KIF2A: variants seen among roughly 807,000 people sequenced by gnomAD.
KIF2A encodes kinesin family member 2A, also known as kinesin-like protein KIF2A.
In KIF2A, 22 loss-of-function variants were observed where a neutral mutation model predicts 100.2. The ratio of observed to expected loss-of-function variants is 0.22; its 90% CI spans 0.16 to 0.31. The LOEUF (loss-of-function observed/expected upper bound fraction) is 0.31, where lower values mean the gene tolerates loss of function less well. KIF2A is among the 10% of genes least tolerant of loss of function. The pLI is 1.00. For synonymous variants in KIF2A, 268 were observed against 285.9 expected, an observed-to-expected ratio of 0.94 and a Z score of 0.63; for missense variants, 495 against 898.7, an observed-to-expected ratio of 0.55 and a Z score of 5.74.
At chr5:62,382,448 T>TA (rs1336363638) in intron 20 of KIF2A, among the ~76,000 whole-genome samples, 1 of 152,012 alleles carries the variant, frequency 6.6e-6, no homozygotes, top group Non-Finnish European at 1.5e-5. Flanking sequence ...CTCAAAAAAT[T>TA]AAAGAGTTGA....
chr5:62,324,359 A>G (rs919703216), intron 1 of KIF2A, among the ~76,000 whole-genome samples: 1 of 152,220 alleles, frequency 6.6e-6, no homozygotes, highest in Non-Finnish European at 1.5e-5. Flanking sequence ...AGGAAAATCT[A>G]TTCTAAAATT....
At position 62,306,455 on chromosome 5, in the gene KIF2A, G is replaced by GCTGCTC; in HGVS notation, c.-16_-11dup. ...GGTCCCCCTCCCTCGGCCCGCTGCT[G>GCTGCTC]CTGCTCCAGATGAGGTGATGGCAAC... On this transcript the variant is annotated 5_prime_UTR_variant, in exon 1 of 21. Coordinates refer to ENST00000407818, the MANE Select transcript of KIF2A (RefSeq NM_001098511.3). The GCTGCTC allele has an allele frequency of 6.5e-7, 1 of 1,539,696 alleles. No individual in the cohort carries two copies. Among genetic ancestry groups the GCTGCTC allele is most frequent in the Non-Finnish European group, 8.8e-7 (1 of 1,141,970 alleles).
Position 62,372,501 on chromosome 5 carries a change from T to C in KIF2A, c.1710T>C (p.Pro570=), listed in dbSNP as rs981991416. 3 of 1,612,892 alleles carry C rather than the reference T, an allele frequency of 1.9e-6. No homozygotes were observed. Among genetic ancestry groups the C allele is most frequent in the Admixed American group, 3.3e-5 (2 of 59,948 alleles). The part of the protein sequence containing the change: ...IPFSQGSGSR[P]DLSPSYEYDD... ...TCTCACAGGGTAGTGGCAGTCGCCC[T>C]GATCTCTCTCCTTCTTATGAATATG... The change falls in exon 17 of 21, where the codon CCT becomes CCC. Residue 570 remains proline, a synonymous_variant. Transcript: ENST00000407818.
Position 62,306,464 on chromosome 5 carries a change from G to A in KIF2A, c.-9G>A. On this transcript the variant is annotated 5_prime_UTR_variant, in exon 1 of 21. Coordinates refer to ENST00000407818, the MANE Select transcript of KIF2A (RefSeq NM_001098511.3). ...CCCTCGGCCCGCTGCTGCTGCTCCA[G>A]ATGAGGTGATGGCAACGGCCAACTT... is the stretch of plus-strand genomic sequence containing the variant. 1 of 1,523,836 alleles carries A rather than the reference G, an allele frequency of 6.6e-7. No homozygotes were observed. Among genetic ancestry groups the A allele is most frequent in the South Asian group, 1.2e-5 (1 of 82,664 alleles). The allele number at this position is 1,523,836 out of a possible 1,614,324, so 94.4% of individuals were successfully genotyped here.
intron 1 of KIF2A, among the ~76,000 whole-genome samples, chr5:62,332,718 C>A (rs547926024): frequency 2.0e-5 from 3 of 152,162 alleles, no homozygotes; most frequent in African/African-American, 7.2e-5. Flanking sequence ...AACTCCCTAA[C>A]CAAATTCAGA....
rs560299862 is a variant in KIF2A, at chr5:62,379,428, C to T, written c.2013+1666C>T. Among the ~76,000 whole-genome samples the T allele has an allele frequency of 4.6e-5, 7 of 152,136 alleles. No homozygotes were observed. In the East Asian group the frequency reaches 7.7e-4, roughly 17 times the overall value. On this transcript the variant is annotated intron_variant, in intron 19 of 20. Transcript: ENST00000407818. Reference sequence around the variant, plus strand: ...CTGTAATCCCAGCACTTTGGGAGGCCGAGACGGGTGGATCACCTGAGTTTG... The same window carrying T: ...CTGTAATCCCAGCACTTTGGGAGGCTGAGACGGGTGGATCACCTGAGTTTG...
chr5:62,318,999 A>G (rs1390672841), intron 1 of KIF2A, among the ~76,000 whole-genome samples: 1 of 152,092 alleles, frequency 6.6e-6, no homozygotes, highest in Admixed American at 6.5e-5. Context: ...TTGACCTTAT[A>G]GCCTTATTAC....
Position 62,385,471 on chromosome 5 carries a change from T to G in KIF2A, c.2150-13T>G. On this transcript the variant is annotated splice_polypyrimidine_tract_variant and intron_variant, in intron 20 of 20. Transcript: ENST00000407818. ...ATACAATACTTATTCCCTCTTTCTT[T>G]TCTTTTTCCAAGATAAAGTGAAATC... 1 of 1,552,618 alleles carries G rather than the reference T, an allele frequency of 6.4e-7. No homozygotes were observed. The highest frequency in any genetic ancestry group is 8.7e-7 in the Non-Finnish European group (1 of 1,144,012).
At chr5:62,370,008 T>C (rs539660243) in intron 16 of KIF2A, among the ~76,000 whole-genome samples, 7 of 152,290 alleles carry the variant, frequency 4.6e-5, no homozygotes, top group Admixed American at 2.6e-4. Context: ...TCTTAAAGGA[T>C]TGTTTTTGAG....
chr5:62,357,796 A>G, intron 8 of KIF2A, 51 bp downstream of exon 8: 2 of 1,081,224 alleles, frequency 1.8e-6, no homozygotes, highest in Non-Finnish European at 2.8e-6. Context: ...CTTATTTGTA[A>G]TGTATTTTTA....
At chr5:62,338,673 A>G (rs1485190209) in intron 1 of KIF2A, among the ~76,000 whole-genome samples, 2 of 152,106 alleles carry the variant, frequency 1.3e-5, no homozygotes, top group Admixed American at 1.3e-4. Flanking sequence ...AAAAAACAAC[A>G]AAAAAAATCC....
intron 20 of KIF2A, among the ~76,000 whole-genome samples, chr5:62,384,951 T>C (rs915338609): frequency 1.4e-4 from 21 of 152,134 alleles, no homozygotes; most frequent in African/African-American, 5.1e-4. Flanking sequence ...GAGACCAGCA[T>C]GGCCAACATG....
chr5:62,368,212 G>C, intron 16 of KIF2A, among the ~76,000 whole-genome samples: 1 of 151,478 alleles, frequency 6.6e-6, no homozygotes, highest in Middle Eastern at 3.5e-3. Flanking sequence ...TTATTCATCT[G>C]TCTCTACCCT....
rs1472187574 is a variant in KIF2A, at chr5:62,353,192, G to C, written c.458-83G>C. 5 of 637,796 alleles carry C rather than the reference G, an allele frequency of 7.8e-6. No homozygotes were observed. In the Admixed American group the frequency reaches 1.1e-4, roughly 14 times the overall value. The allele number at this position is 637,796 out of a possible 1,614,324, so 39.5% of individuals were successfully genotyped here. The stretch of plus-strand genomic sequence containing the variant: ...CACTGTGTACCTTTTATGTGTGTGT[G>C]GTGAAGTTATACATAAAAAAAGTTT... On this transcript the variant is annotated intron_variant, in intron 5 of 20. Coordinates refer to ENST00000407818, the MANE Select transcript of KIF2A (RefSeq NM_001098511.3).
intron 7 of KIF2A, among the ~76,000 whole-genome samples, chr5:62,356,505 C>T (rs1260711844): frequency 6.6e-6 from 1 of 152,194 alleles, no homozygotes; most frequent in Non-Finnish European, 1.5e-5. Context: ...ATTAGACCCA[C>T]AGGCCATACT....
intron 1 of KIF2A, among the ~76,000 whole-genome samples, chr5:62,331,016 G>T (rs935385851): frequency 3.9e-5 from 6 of 152,080 alleles, no homozygotes; most frequent in African/African-American, 1.4e-4. Flanking sequence ...AACTTCAATG[G>T]ATTTGGAAAT....
chr5:62,372,124 T>C (rs889479718), intron 16 of KIF2A, among the ~76,000 whole-genome samples: 4 of 152,128 alleles, frequency 2.6e-5, no homozygotes, highest in Non-Finnish European at 4.4e-5. Context: ...AGAAATTAGA[T>C]TGAGTGGTCA....
chr5:62,308,056 G>C (rs1745398464), intron 1 of KIF2A, among the ~76,000 whole-genome samples: 1 of 152,166 alleles, frequency 6.6e-6, no homozygotes, highest in South Asian at 2.1e-4. Flanking sequence ...TTTTCATGTT[G>C]TGTGTATGAT....
intron 1 of KIF2A, chr5:62,306,872 G>A (rs914548490): frequency 6.1e-6 from 2 of 325,216 alleles, no homozygotes; most frequent in Admixed American, 5.4e-5. Flanking sequence ...ACACCAGCCC[G>A]GGAGGGAGCG....
Sources: allele counts gnomAD v4.1 joint callset (sites outside exome capture counted in the v4.1 genomes callset), GRCh38; gene constraint gnomAD v4.1.1; transcripts MANE v1.5; gene names NCBI Gene and HGNC (gene_info 2026-07-23, HGNC 2026-07-21).